The following HHLA2 variants were observed in gnomAD, a reference collection of about 807,000 sequenced individuals.
HHLA2 encodes HHLA2 member of B7 family, also known as HERV-H LTR-associating protein 2.
HHLA2 carries 48 observed loss-of-function variants against 45.9 expected under a neutral mutation model. The observed-to-expected ratio is 1.05, with a 90% CI of 0.83 to 1.33. The LOEUF (loss-of-function observed/expected upper bound fraction) is 1.33. Ranked by LOEUF, HHLA2 falls within the 40% of genes most tolerant of loss-of-function variation. HHLA2 has a pLI of 0.00. For missense variants in HHLA2, 462 were observed against 494.3 expected (o/e 0.93, Z 0.62); for synonymous variants, 161 against 173.9 (o/e 0.93, Z 0.59).
chr3:108,330,586 C>T (rs1197970542), intron 3 of HHLA2, among the ~76,000 whole-genome samples: 2 of 152,042 alleles, frequency 1.3e-5, no homozygotes, highest in African/African-American at 4.8e-5. Context: ...AGCAGTGGCC[C>T]CTGATGGCCT....
intron 1 of HHLA2, among the ~76,000 whole-genome samples, chr3:108,309,196 G>C (rs946789378): frequency 6.6e-6 from 1 of 152,158 alleles, no homozygotes; most frequent in Non-Finnish European, 1.5e-5. Flanking sequence ...TATGGCAAGA[G>C]GTAGGGTTCT....
At chr3:108,296,931 TAA>T (rs1294546817) in intron 1 of HHLA2, among the ~76,000 whole-genome samples, 1 of 152,242 alleles carries the variant, frequency 6.6e-6, no homozygotes, top group Non-Finnish European at 1.5e-5. Context: ...AAAAAATCTC[TAA>T]GAGTGTATTC....
chr3:108,334,972 T>C (rs571069256), intron 3 of HHLA2, among the ~76,000 whole-genome samples: 1 of 152,226 alleles, frequency 6.6e-6, no homozygotes, highest in African/African-American at 2.4e-5. Flanking sequence ...TGTCCCCTCA[T>C]TGGAGCAAAT....
intron 3 of HHLA2, among the ~76,000 whole-genome samples, chr3:108,350,690 T>C (rs1453554509): frequency 6.6e-6 from 1 of 152,184 alleles, no homozygotes; most frequent in Non-Finnish European, 1.5e-5. Context: ...TTTTATTTTA[T>C]TGTTACTTTT....
exon 9 of HHLA2, chr3:108,375,785 G>T: frequency 6.2e-7 from 1 of 1,610,998 alleles, no homozygotes; most frequent in Non-Finnish European, 8.5e-7. Flanking sequence ...ACACCCTGCT[G>T]ATGGAGCCCA....
At chr3:108,370,243 A>C (rs1216853419) in intron 8 of HHLA2, among the ~76,000 whole-genome samples, 5 of 152,162 alleles carry the variant, frequency 3.3e-5, no homozygotes, top group Non-Finnish European at 7.4e-5. Flanking sequence ...CAAACTCCAA[A>C]AGACCTGCAG....
At chr3:108,306,378 C>G (rs2080930099) in intron 1 of HHLA2, among the ~76,000 whole-genome samples, 1 of 152,058 alleles carries the variant, frequency 6.6e-6, no homozygotes, top group African/African-American at 2.4e-5. Flanking sequence ...ATCTCTTTTC[C>G]TGAGTGAAAT....
intron 2 of HHLA2, among the ~76,000 whole-genome samples, chr3:108,316,344 C>T (rs2081102609): frequency 6.6e-6 from 1 of 152,196 alleles, no homozygotes; most frequent in Admixed American, 6.5e-5. Flanking sequence ...ATGCTATTCT[C>T]ATGAAGCTCA....
rs905012381 is a variant in HHLA2 at position 108,349,506 on chromosome 3, C to T, written c.-26-2282C>T. 1.4e-4 allele frequency among the ~76,000 whole-genome samples: 22 copies of T among 152,262 alleles called. No homozygotes were observed. In the South Asian group the frequency reaches 1.5e-3, roughly 10 times the overall value. On this transcript the variant is annotated intron_variant, in intron 3 of 10. Coordinates refer to ENST00000619531, the Ensembl canonical transcript of HHLA2. ...CTGAAATTGAGGCAGTAATTAATAG[C>T]CTACCAACCAAAAAAAGTCCAGGAC...
intron 8 of HHLA2, 53 bp from the exon 8 acceptor site, chr3:108,375,697 A>T (rs1387075245): frequency 1.9e-6 from 3 of 1,584,926 alleles, no homozygotes; most frequent in Non-Finnish European, 1.7e-6. Flanking sequence ...TTACAGGGAA[A>T]CAGCTGGGAG....
At chr3:108,347,502 G>A (rs2081686872) in intron 3 of HHLA2, among the ~76,000 whole-genome samples, 1 of 152,152 alleles carries the variant, frequency 6.6e-6, no homozygotes, top group South Asian at 2.1e-4. Context: ...GGCTTGGGAT[G>A]CTAGGGTTAA....
chr3:108,353,529 G>A, exon 5 of HHLA2: 1 of 1,612,934 alleles, frequency 6.2e-7, no homozygotes, highest in Non-Finnish European at 8.5e-7. Context: ...TTTGAGAGGG[G>A]ATCCGAAGTC....
At chr3:108,361,494 C>G (rs2081984083) in intron 7 of HHLA2, among the ~76,000 whole-genome samples, 1 of 152,088 alleles carries the variant, frequency 6.6e-6, no homozygotes, top group Non-Finnish European at 1.5e-5. Flanking sequence ...AATAGTGATG[C>G]TGGCAGTTCA....
intron 1 of HHLA2, among the ~76,000 whole-genome samples, chr3:108,308,702 A>G (rs193170127): frequency 4.6e-5 from 7 of 152,284 alleles, no homozygotes; most frequent in Admixed American, 4.6e-4. Flanking sequence ...GATAGAAGCC[A>G]TTTTAACGGG....
At chr3:108,352,645 T>C (rs993496896) in intron 4 of HHLA2, among the ~76,000 whole-genome samples, 1 of 152,250 alleles carries the variant, frequency 6.6e-6, no homozygotes, top group Non-Finnish European at 1.5e-5. Context: ...AGTGTCTGGG[T>C]ATATTTTCTT....
chr3:108,362,968 C>G (rs2082005411), intron 8 of HHLA2, among the ~76,000 whole-genome samples: 1 of 152,126 alleles, frequency 6.6e-6, no homozygotes, highest in Admixed American at 6.6e-5. Context: ...TGCCTGTTCT[C>G]CCTTGCTCTG....
chr3:108,366,560 T>A (rs2082066376), intron 8 of HHLA2, among the ~76,000 whole-genome samples: 1 of 152,204 alleles, frequency 6.6e-6, no homozygotes, highest in African/African-American at 2.4e-5. Context: ...TGGTACCAGC[T>A]CCTCTTTGTA....
rs752698352 is a variant in HHLA2 at position 108,355,267 on chromosome 3, G to T, written c.571G>T (p.Asp191Tyr). 8 of 1,613,708 alleles carry T rather than the reference G, an allele frequency of 5.0e-6. No individual in the cohort carries two copies. In the Admixed American group the frequency reaches 1.3e-4, roughly 27 times the overall value. The change falls in exon 6 of 11, where the codon GAT (aspartate) becomes TAT (tyrosine). Residue 191 changes from aspartate (D) to tyrosine (Y), a missense_variant. By Grantham distance (160) the Asp-to-Tyr change is radical. Around this residue, in one of 3 missense-constraint regions of HHLA2, gnomAD observed 335 missense variants for 367.4 expected, o/e 0.91. Transcript: ENST00000619531. ...CAACATGGAAGAAACAGGGTCTTTGGATTCTTTTTCTATTAACAGCCCACT... is the reference window on the plus strand; with the variant it reads ...CAACATGGAAGAAACAGGGTCTTTGTATTCTTTTTCTATTAACAGCCCACT...
rs58477416 is a variant in HHLA2 at position 108,342,259 on chromosome 3, C to CTTT, written c.-26-9510_-26-9508dup. ...GCTGGCTCCTTTTTCTTCTTTCTCT[C>CTTT]TTTTTTTTTTTTTTTTTTTTTGAGA... On this transcript the variant is annotated intron_variant, in intron 3 of 10. Transcript: ENST00000619531. Among the ~76,000 whole-genome samples the CTTT allele has an allele frequency of 9.5e-4, 103 of 108,080 alleles. 2 individuals are homozygous for CTTT. In the East Asian group the frequency reaches 0.013, roughly 13 times the overall value. The allele number at this position is 108,080 out of a possible 152,430, so 70.9% of individuals were successfully genotyped here.
Sources: gnomAD v4.1 joint callset for allele counts (sites outside exome capture counted in the v4.1 genomes callset) on GRCh38, gnomAD v4.1.1 for gene constraint, gnomAD v4.1.1 regional missense constraint, MANE v1.5 for transcripts, NCBI Gene and HGNC (gene_info 2026-07-23, HGNC 2026-07-21) for gene names.